Variants in NEXMIF observed in about 807,000 individuals in gnomAD.
NEXMIF encodes XLMR protein related to neurite extension.
In NEXMIF, 8 loss-of-function variants were observed where a neutral mutation model predicts 62.1. That is an observed-to-expected ratio of 0.13 (90% CI 0.08 to 0.23). NEXMIF has a LOEUF of 0.23. Among genes scored for constraint, NEXMIF ranks in the 10% least tolerant of loss-of-function variants. The pLI is 1.00. For synonymous variants in NEXMIF, 404 were observed against 416.6 expected (o/e 0.97, Z 0.37); for missense variants, 976 against 1,113.3 (o/e 0.88, Z 1.75).
rs767399932 is a variant in NEXMIF at position 74,875,293 on chromosome X, C to T, written c.-48+49590G>A. ...TTGGTTCTGTTTATATGCTGGATTACATTTATTGATTTGCGTATATTGAAC... is the reference window on the plus strand; with the variant it reads ...TTGGTTCTGTTTATATGCTGGATTATATTTATTGATTTGCGTATATTGAAC... On this transcript the variant is annotated intron_variant, in intron 1 of 3. Transcript: ENST00000055682. Among the ~76,000 whole-genome samples, 30 of 111,501 alleles carry T rather than the reference C, an allele frequency of 2.7e-4. No homozygotes were observed. In the East Asian group the frequency reaches 5.1e-3, roughly 19 times the overall value.
chrX:74,841,689 C>T (rs1275445047), intron 1 of NEXMIF, among the ~76,000 whole-genome samples: 1 of 111,484 alleles, frequency 9.0e-6, no homozygotes, highest in Non-Finnish European at 1.9e-5. Context: ...TTAACATAAA[C>T]GGATGTTGAA....
At chrX:74,873,844 T>A (rs1381818101) in intron 1 of NEXMIF, among the ~76,000 whole-genome samples, 5 of 111,525 alleles carry the variant, frequency 4.5e-5, no homozygotes, top group Non-Finnish European at 9.4e-5. Flanking sequence ...GGGTTGTTTG[T>A]TTTTTTCTTG....
chrX:74,923,320 T>A (rs994577318), intron 1 of NEXMIF, among the ~76,000 whole-genome samples: 4 of 111,873 alleles, frequency 3.6e-5, no homozygotes, highest in Admixed American at 9.5e-5. Context: ...GACACTGTAA[T>A]AAAAATGTAC....
rs1015693605 is a variant in NEXMIF, at chrX:74,735,542, G to A, written c.*3863C>T. The A allele has an allele frequency of 9.0e-6, 1 of 111,392 alleles. No individual in the cohort carries two copies. The highest frequency in any genetic ancestry group is 1.9e-5 in the Non-Finnish European group (1 of 52,987). 9.2% of individuals were successfully genotyped at this position (111,392 alleles called of 1,213,427 possible). A position where few individuals can be genotyped will look rare whatever the true frequency, so the allele number is the denominator to read the frequency against. Reference sequence around the variant, plus strand: ...TTTATAGCTTTTGAAGCATCCTTTTGCCTCTCTCTTACACACACACACACT... The same window carrying A: ...TTTATAGCTTTTGAAGCATCCTTTTACCTCTCTCTTACACACACACACACT... On this transcript the variant is annotated 3_prime_UTR_variant, in exon 4 of 4. Transcript: ENST00000055682.
At chrX:74,910,815 C>T (rs950151596) in intron 1 of NEXMIF, among the ~76,000 whole-genome samples, 3 of 111,428 alleles carry the variant, frequency 2.7e-5, no homozygotes, top group Admixed American at 9.5e-5. Context: ...CAAGATCTGA[C>T]GGTTTTATCA....
At chrX:74,776,332 C>A (rs1331191236) in intron 1 of NEXMIF, among the ~76,000 whole-genome samples, 1 of 111,818 alleles carries the variant, frequency 8.9e-6, no homozygotes, top group Non-Finnish European at 1.9e-5. Flanking sequence ...TGAAGCTACA[C>A]CATAATCAAG....
At position 74,739,318 on chromosome X, in the gene NEXMIF, C is replaced by A. The variant is rs1456551538; in HGVS notation, c.*87G>T. ...TTAAAGTTTGCTCCAAAGACGTATT[C>A]CCACAATTTAAAATTCTTTTCTTTA... On this transcript the variant is annotated 3_prime_UTR_variant, in exon 4 of 4. Coordinates refer to ENST00000055682, the MANE Select transcript of NEXMIF (RefSeq NM_001008537.3). The A allele has an allele frequency of 1.7e-6, 1 of 604,934 alleles. No homozygotes were observed. Among genetic ancestry groups the A allele is most frequent in the Admixed American group, 4.3e-5 (1 of 23,112 alleles). 49.9% of individuals were successfully genotyped at this position (604,934 alleles called of 1,213,427 possible). A position where few individuals can be genotyped will look rare whatever the true frequency, so the allele number is the denominator to read the frequency against.
intron 1 of NEXMIF, among the ~76,000 whole-genome samples, chrX:74,890,201 A>T (rs1303018665): frequency 9.0e-6 from 1 of 111,026 alleles, no homozygotes; most frequent in Non-Finnish European, 1.9e-5. Context: ...TGTTTCTCTC[A>T]ACCAACTACA....
intron 1 of NEXMIF, among the ~76,000 whole-genome samples, chrX:74,855,009 AT>A (rs2080529724): frequency 8.9e-6 from 1 of 111,938 alleles, no homozygotes; most frequent in South Asian, 3.7e-4. Flanking sequence ...AATGTAAAAA[AT>A]AATTTCAGTC....
intron 1 of NEXMIF, among the ~76,000 whole-genome samples, chrX:74,873,566 A>G (rs2080613626): frequency 8.9e-6 from 1 of 111,959 alleles, no homozygotes; most frequent in Admixed American, 9.5e-5. Flanking sequence ...GAAACACCAC[A>G]CTGACTTCCA....
intron 1 of NEXMIF, among the ~76,000 whole-genome samples, chrX:74,793,533 A>G (rs969598740): frequency 9.0e-6 from 1 of 110,977 alleles, no homozygotes; most frequent in African/African-American, 3.3e-5. Flanking sequence ...GCCTTGCTAG[A>G]TTGGGGAAGT....
intron 1 of NEXMIF, among the ~76,000 whole-genome samples, chrX:74,864,866 CT>C (rs987460198): frequency 3.6e-5 from 4 of 110,777 alleles, no homozygotes; most frequent in Admixed American, 9.6e-5. Context: ...CCACCACCAC[CT>C]CCAGCTAATT....
chrX:74,793,427 C>A (rs1390197075), intron 1 of NEXMIF, among the ~76,000 whole-genome samples: 2 of 109,103 alleles, frequency 1.8e-5, no homozygotes, highest in Non-Finnish European at 3.8e-5. Context: ...TTCATTTCAA[C>A]TTTGGTGAAT....
At chrX:74,798,949 G>T (rs1285211997) in intron 1 of NEXMIF, among the ~76,000 whole-genome samples, 1 of 98,974 alleles carries the variant, frequency 1.0e-5, no homozygotes, top group African/African-American at 3.7e-5. Context: ...ACCAGAGAAA[G>T]AAAAAGGAAT....
intron 1 of NEXMIF, among the ~76,000 whole-genome samples, chrX:74,908,101 T>C (rs1470073700): frequency 9.0e-6 from 1 of 111,625 alleles, no homozygotes; most frequent in Non-Finnish European, 1.9e-5. Flanking sequence ...TAGAGGGTTA[T>C]TGGGAGTGGG....
chrX:74,897,281 G>T (rs932703596), intron 1 of NEXMIF, among the ~76,000 whole-genome samples: 15 of 111,862 alleles, frequency 1.3e-4, no homozygotes, highest in African/African-American at 4.2e-4. Context: ...GGCTTTCTGG[G>T]CATACCACTA....
chrX:74,833,845 A>T (rs774986395), intron 1 of NEXMIF, among the ~76,000 whole-genome samples: 1 of 111,681 alleles, frequency 9.0e-6, no homozygotes, highest in South Asian at 3.7e-4. Flanking sequence ...ACAAACAAAC[A>T]CACAAAAAGA....
chrX:74,792,055 A>C (rs2080285650), intron 1 of NEXMIF, among the ~76,000 whole-genome samples: 1 of 108,232 alleles, frequency 9.2e-6, no homozygotes, highest in Non-Finnish European at 1.9e-5. Context: ...TAGTTCTTTT[A>C]ATTGTGATGT....
intron 1 of NEXMIF, among the ~76,000 whole-genome samples, chrX:74,773,775 G>T (rs6647533): frequency 0.14 from 14,910 of 107,375 alleles, 1,673 homozygotes; most frequent in East Asian, 0.91. Flanking sequence ...TGGGCATAGT[G>T]GCGGGCGCCT....
Sources: allele counts gnomAD v4.1 joint callset (sites outside exome capture counted in the v4.1 genomes callset), GRCh38; gene constraint gnomAD v4.1.1; transcripts MANE v1.5; gene names NCBI Gene and HGNC (gene_info 2026-07-23, HGNC 2026-07-21).